Variants in ZMAT4 observed in about 807,000 individuals in gnomAD.
ZMAT4 encodes zinc finger matrin-type protein 4.
In ZMAT4, 17 loss-of-function variants were observed where a neutral mutation model predicts 28.7. That is an observed-to-expected ratio of 0.59 (90% CI 0.41 to 0.89). The LOEUF (loss-of-function observed/expected upper bound fraction) is 0.89, where lower values mean the gene tolerates loss of function less well. ZMAT4 is among the 40% of genes least tolerant of loss of function. The pLI is 0.00. For synonymous variants in ZMAT4, 117 were observed against 109.2 expected (o/e 1.07, Z -0.44); for missense variants, 240 against 283.8 (o/e 0.85, Z 1.11).
chr8:40,725,133 C>T (rs1811267352), intron 3 of ZMAT4, among the ~76,000 whole-genome samples: 2 of 152,088 alleles, frequency 1.3e-5, no homozygotes, highest in South Asian at 4.1e-4. Context: ...TCAAAAATTC[C>T]TAGGCATTAG....
chr8:40,576,783 G>A (rs751691302), intron 6 of ZMAT4, among the ~76,000 whole-genome samples: 2 of 152,114 alleles, frequency 1.3e-5, no homozygotes, highest in Non-Finnish European at 2.9e-5. Context: ...TTATCACTAC[G>A]AAAAACCACC....
At chr8:40,674,080 C>CTTT (rs59753899) in intron 5 of ZMAT4, among the ~76,000 whole-genome samples, 56 of 107,248 alleles carry the variant, frequency 5.2e-4, no homozygotes, top group East Asian at 3.5e-3. Context: ...TTTTTATCAT[C>CTTT]TTTTTTTTTT....
At chr8:40,820,771 A>G (rs116323817) in intron 2 of ZMAT4, among the ~76,000 whole-genome samples, 1 of 14,330 alleles carries the variant, frequency 7.0e-5, no homozygotes, top group African/African-American at 2.3e-4. Context: ...GCATGTGTAT[A>G]TGTGTTTATG....
intron 3 of ZMAT4, among the ~76,000 whole-genome samples, chr8:40,718,459 T>C (rs930918435): frequency 2.6e-5 from 4 of 152,214 alleles, no homozygotes; most frequent in Non-Finnish European, 4.4e-5. Context: ...ATAACAATAC[T>C]TGCAGGATGA....
chr8:40,691,003 A>G (rs1809638671), intron 4 of ZMAT4: 3 of 842,562 alleles, frequency 3.6e-6, no homozygotes, highest in Non-Finnish European at 2.9e-6. Context: ...GTTGCTACCA[A>G]TCCACTTAGT....
At chr8:40,566,427 A>G (rs182943094) in intron 6 of ZMAT4, among the ~76,000 whole-genome samples, 1 of 152,148 alleles carries the variant, frequency 6.6e-6, no homozygotes, top group East Asian at 1.9e-4. Context: ...CCTCCTTCCT[A>G]TTACCTTTAG....
At chr8:40,718,072 C>T (rs1288155388) in intron 3 of ZMAT4, among the ~76,000 whole-genome samples, 2 of 152,216 alleles carry the variant, frequency 1.3e-5, no homozygotes, top group East Asian at 3.8e-4. Context: ...ATCCAGGATA[C>T]CACACTGCAT....
intron 5 of ZMAT4, among the ~76,000 whole-genome samples, chr8:40,625,024 C>A (rs115343415): frequency 1.3e-5 from 2 of 152,280 alleles, no homozygotes; most frequent in Non-Finnish European, 2.9e-5. Flanking sequence ...TGCTCCTTAT[C>A]CAGAGTGTTG....
At position 40,568,047 on chromosome 8, in the gene ZMAT4, G is replaced by A. The variant is rs1047354633; in HGVS notation, c.674+13118C>T. Among the ~76,000 whole-genome samples, 13 of 152,180 alleles carry A rather than the reference G, an allele frequency of 8.5e-5. No individual in the cohort carries two copies. In the East Asian group the frequency reaches 1.5e-3, roughly 18 times the overall value. Reference sequence around the variant, plus strand: ...AATCAAAATGGTAAAGAAATTCCACGTAGAGAATCCCACAGACCACTGGGA... The same window carrying A: ...AATCAAAATGGTAAAGAAATTCCACATAGAGAATCCCACAGACCACTGGGA... On this transcript the variant is annotated intron_variant, in intron 6 of 6. Coordinates refer to ENST00000297737, the MANE Select transcript of ZMAT4 (RefSeq NM_024645.3).
At chr8:40,632,894 T>C (rs554565229) in intron 5 of ZMAT4, among the ~76,000 whole-genome samples, 2 of 152,094 alleles carry the variant, frequency 1.3e-5, no homozygotes, top group Admixed American at 6.6e-5. Flanking sequence ...GATGTAGTGG[T>C]GTTGTGGGTT....
chr8:40,822,204 C>A (rs542227779), intron 2 of ZMAT4, among the ~76,000 whole-genome samples: 1 of 152,192 alleles, frequency 6.6e-6, no homozygotes, highest in Non-Finnish European at 1.5e-5. Context: ...ACTGAACTAT[C>A]GGTGACTTTT....
chr8:40,856,334 C>T (rs1383735535), intron 1 of ZMAT4, among the ~76,000 whole-genome samples: 3 of 151,834 alleles, frequency 2.0e-5, no homozygotes, highest in African/African-American at 4.8e-5. Flanking sequence ...CAGGGGTCAG[C>T]GCAAAGATGG....
chr8:40,615,598 C>A (rs903113507), intron 5 of ZMAT4, among the ~76,000 whole-genome samples: 2 of 152,190 alleles, frequency 1.3e-5, no homozygotes, highest in African/African-American at 4.8e-5. Context: ...CACATAATCC[C>A]ATATTTCCTG....
rs890827464 is a variant in ZMAT4 at position 40,773,284 on chromosome 8, C to A, written c.103-5554G>T. On this transcript the variant is annotated intron_variant, in intron 2 of 6. Coordinates refer to ENST00000297737, the MANE Select transcript of ZMAT4 (RefSeq NM_024645.3). The stretch of plus-strand genomic sequence containing the variant: ...TCTCCAACATAGGGAAGGAAGAAGT[C>A]AAACTCCTCTGCTGGAAGACCCCGA... Among the ~76,000 whole-genome samples the A allele has an allele frequency of 3.3e-5, 5 of 152,300 alleles. No individual in the cohort carries two copies. In the East Asian group the frequency reaches 9.6e-4, roughly 29 times the overall value.
chr8:40,867,515 T>TCC (rs1177262999), intron 1 of ZMAT4, among the ~76,000 whole-genome samples: 1 of 152,156 alleles, frequency 6.6e-6, no homozygotes, highest in Non-Finnish European at 1.5e-5. Flanking sequence ...ATCTGCACCC[T>TCC]CCACCCTCTG....
intron 6 of ZMAT4, among the ~76,000 whole-genome samples, chr8:40,543,344 A>C (rs1379080330): frequency 6.6e-6 from 1 of 152,222 alleles, no homozygotes; most frequent in Non-Finnish European, 1.5e-5. Flanking sequence ...CCAGGTCTGG[A>C]CGAATACAAA....
At chr8:40,798,101 G>A (rs924638604) in intron 2 of ZMAT4, among the ~76,000 whole-genome samples, 1 of 152,168 alleles carries the variant, frequency 6.6e-6, no homozygotes, top group Admixed American at 6.5e-5. Context: ...ACTGGGTGCA[G>A]GGGGAACCTC....
At chr8:40,749,146 C>T (rs1812359193) in intron 3 of ZMAT4, among the ~76,000 whole-genome samples, 16 of 152,094 alleles carry the variant, frequency 1.1e-4, no homozygotes, top group Admixed American at 1.0e-3. Flanking sequence ...AAACCTCTTC[C>T]CTTTATAAAT....
At chr8:40,548,470 T>A (rs1336931211) in intron 6 of ZMAT4, among the ~76,000 whole-genome samples, 1 of 152,162 alleles carries the variant, frequency 6.6e-6, no homozygotes, top group African/African-American at 2.4e-5. Context: ...TGCATAGAAG[T>A]TTTGTTGGAA....
Sources: allele counts gnomAD v4.1 joint callset (sites outside exome capture counted in the v4.1 genomes callset), GRCh38; gene constraint gnomAD v4.1.1; transcripts MANE v1.5; gene names NCBI Gene and HGNC (gene_info 2026-07-23, HGNC 2026-07-21).